The following TNKS variants were observed in gnomAD, a reference collection of about 807,000 sequenced individuals.
The protein encoded by TNKS is poly [ADP-ribose] polymerase tankyrase-1.
A neutral mutation model predicts 135.8 loss-of-function variants in TNKS; 72 were observed. The observed-to-expected ratio is 0.53, with a 90% CI of 0.44 to 0.64. The LOEUF is 0.64. Ranked by LOEUF, TNKS falls within the 30% of genes least tolerant of loss-of-function variation. TNKS has a pLI of 0.00. For synonymous variants in TNKS, 849 were observed against 649.3 expected, an observed-to-expected ratio of 1.31 and a Z score of -4.68; for missense variants, 1,769 against 1,674.0, an observed-to-expected ratio of 1.06 and a Z score of -0.99.
intron 1 of TNKS, among the ~76,000 whole-genome samples, chr8:9,570,831 T>C (rs1797728549): frequency 6.6e-6 from 1 of 152,094 alleles, no homozygotes. Flanking sequence ...GTATACCCAG[T>C]GTGGTGGCAT....
intron 3 of TNKS, among the ~76,000 whole-genome samples, chr8:9,626,668 G>A (rs1258777212): frequency 6.6e-6 from 1 of 152,158 alleles, no homozygotes; most frequent in African/African-American, 2.4e-5. Flanking sequence ...GGAGAATTGT[G>A]GGGGTTGGGG....
chr8:9,765,879 C>A, intron 24 of TNKS, 82 bp downstream of exon 24: 1 of 1,146,616 alleles, frequency 8.7e-7, no homozygotes, highest in Non-Finnish European at 1.3e-6. Flanking sequence ...GTTAAATTGA[C>A]TATAATACGG....
Position 9,679,961 on chromosome 8 carries a change from G to C in TNKS, c.1005G>C (p.Lys335Asn). 3.1e-6 allele frequency: 5 copies of C among 1,613,208 alleles called. No homozygotes were observed. In the East Asian group the frequency reaches 1.1e-4, roughly 36 times the overall value. The change falls in exon 4 of 27, where the codon AAG (lysine) becomes AAC (asparagine). Residue 335 changes from lysine (K) to asparagine (N), a missense_variant. Around this residue, in one of 5 missense-constraint regions of TNKS, gnomAD observed 523 missense variants for 541.0 expected, o/e 0.97. Coordinates refer to ENST00000310430, the MANE Select transcript of TNKS (RefSeq NM_003747.3). Reference protein sequence around the residue: ...SAKAVLTGEYKKDELLEAARS... With the variant: ...SAKAVLTGEYNKDELLEAARS... ...TTTGCAATCATCTAGGTGAATACAA[G>C]AAAGACGAACTCCTAGAAGCTGCTA... is the stretch of plus-strand genomic sequence containing the variant.
chr8:9,759,174 G>C (rs1308145034), intron 20 of TNKS, among the ~76,000 whole-genome samples: 1 of 152,226 alleles, frequency 6.6e-6, no homozygotes, highest in East Asian at 1.9e-4. Context: ...TCCAGGGGAG[G>C]GGAGCACACA....
intron 2 of TNKS, among the ~76,000 whole-genome samples, chr8:9,599,326 G>C (rs1168874017): frequency 6.6e-6 from 1 of 152,090 alleles, no homozygotes; most frequent in Non-Finnish European, 1.5e-5. Context: ...TGTTTATTGA[G>C]TTCTTGTTAT....
chr8:9,747,905 G>T, intron 17 of TNKS, 119 bp from the exon 18 acceptor site: 1 of 980,102 alleles, frequency 1.0e-6, no homozygotes, highest in Non-Finnish European at 1.5e-6. Context: ...AGAAACTTCT[G>T]TTAAGGATGA....
chr8:9,688,963 A>G, intron 5 of TNKS, among the ~76,000 whole-genome samples: 1 of 152,094 alleles, frequency 6.6e-6, no homozygotes, highest in South Asian at 2.1e-4. Flanking sequence ...TCATGTCTGT[A>G]CTTAGAAGGG....
At chr8:9,761,755 C>T in intron 21 of TNKS, 119 bp downstream of exon 21, 2 of 1,020,768 alleles carry the variant, frequency 2.0e-6, no homozygotes, top group Middle Eastern at 2.4e-4. Flanking sequence ...TATTGTACCT[C>T]CTGTCCCTTC....
chr8:9,706,514 C>T (rs1804053493), intron 7 of TNKS, among the ~76,000 whole-genome samples: 1 of 152,186 alleles, frequency 6.6e-6, no homozygotes. Flanking sequence ...AGGGGTGTGC[C>T]ACCACGCACA....
In TNKS at chr8:9,674,102, CTTTGT is replaced by C. The variant is rs887902269; in HGVS notation, c.995-5840_995-5836del. On this transcript the variant is annotated intron_variant, in intron 3 of 26. Transcript: ENST00000310430. ...TAGTAGAGTGTTTTTTCTCAAATAACTTTGTTTTGTTTTAAGTCTGTTTAAAGCAA... is the reference window on the plus strand; with the variant it reads ...TAGTAGAGTGTTTTTTCTCAAATAACTTTGTTTTAAGTCTGTTTAAAGCAA... 3.3e-5 allele frequency among the ~76,000 whole-genome samples: 5 copies of C among 152,096 alleles called. No homozygotes were observed. The East Asian group carries it at 9.7e-4, about 29-fold the overall frequency.
chr8:9,632,886 C>G (rs919203000), intron 3 of TNKS, among the ~76,000 whole-genome samples: 23 of 152,088 alleles, frequency 1.5e-4, no homozygotes, highest in African/African-American at 5.6e-4. Context: ...CCTGCCACCA[C>G]GCCCGGCTAA....
intron 3 of TNKS, among the ~76,000 whole-genome samples, chr8:9,639,282 G>T (rs1050643479): frequency 5.3e-5 from 8 of 152,078 alleles, no homozygotes; most frequent in African/African-American, 1.9e-4. Flanking sequence ...AACCAATTAA[G>T]CTTTGAAGGA....
rs1563227031 is a variant in TNKS at position 9,772,596 on chromosome 8, A to AAGAG, written c.3897+2336_3897+2339dup. ...TGCCCCCAACTGCATCCAGTATTGG[A>AAGAG]AGAGAAAGTACATTATTAGATCAAC... On this transcript the variant is annotated intron_variant, in intron 26 of 26. Transcript: ENST00000310430. 2.0e-5 allele frequency among the ~76,000 whole-genome samples: 3 copies of AAGAG among 152,274 alleles called. No homozygotes were observed. The East Asian group carries it at 5.8e-4, about 29-fold the overall frequency.
chr8:9,771,411 A>T (rs1182841947), intron 26 of TNKS, among the ~76,000 whole-genome samples: 3 of 98,642 alleles, frequency 3.0e-5, no homozygotes, highest in Non-Finnish European at 7.2e-5. Flanking sequence ...AGAAAGGGAG[A>T]CAGATACTAA....
At chr8:9,693,063 T>A (rs1014220142) in intron 5 of TNKS, among the ~76,000 whole-genome samples, 2 of 152,358 alleles carry the variant, frequency 1.3e-5, no homozygotes, top group East Asian at 3.9e-4. Flanking sequence ...GTGTTTATTG[T>A]ATTTTCCTAA....
chr8:9,637,281 T>C (rs1035357755), intron 3 of TNKS, among the ~76,000 whole-genome samples: 3 of 152,204 alleles, frequency 2.0e-5, no homozygotes, highest in Non-Finnish European at 4.4e-5. Context: ...GTGAGTATCA[T>C]GTTGTTTTTC....
Position 9,670,379 on chromosome 8 carries a change from T to C in TNKS, c.995-9572T>C, listed in dbSNP as rs1802221454. 2.0e-5 allele frequency among the ~76,000 whole-genome samples: 3 copies of C among 152,320 alleles called. No homozygotes were observed. The South Asian group carries it at 6.2e-4, about 32-fold the overall frequency. On this transcript the variant is annotated intron_variant, in intron 3 of 26. Coordinates refer to ENST00000310430, the MANE Select transcript of TNKS (RefSeq NM_003747.3). The stretch of plus-strand genomic sequence containing the variant: ...TTTAGGTCATCTTAAAATTATCTTA[T>C]TGGGAAACCATTCGCCTGTATGTAG...
At chr8:9,557,521 A>G (rs1401151568) in intron 1 of TNKS, 6 of 152,034 alleles carry the variant, frequency 3.9e-5, no homozygotes, top group Non-Finnish European at 5.9e-5. Context: ...CTGGATACCT[A>G]TTGTTGATAT....
chr8:9,674,521 G>C (rs1802451854), intron 3 of TNKS, among the ~76,000 whole-genome samples: 1 of 152,164 alleles, frequency 6.6e-6, no homozygotes, highest in South Asian at 2.1e-4. Flanking sequence ...AAAGTTTCGT[G>C]GTCCAATAGA....
Sources: allele counts gnomAD v4.1 joint callset (sites outside exome capture counted in the v4.1 genomes callset), GRCh38; gene constraint gnomAD v4.1.1; regional missense constraint gnomAD v4.1.1; transcripts MANE v1.5; gene names NCBI Gene and HGNC (gene_info 2026-07-23, HGNC 2026-07-21).